The following ABCD3 variants were observed in gnomAD, a reference collection of about 807,000 sequenced individuals.
ABCD3 encodes the protein ATP binding cassette subfamily D member 3.
In ABCD3, 41 loss-of-function variants were observed where a neutral mutation model predicts 105.5. The observed-to-expected ratio is 0.39, with a 90% CI of 0.30 to 0.50. The LOEUF (loss-of-function observed/expected upper bound fraction) is 0.50, where lower values mean the gene tolerates loss of function less well. ABCD3 is among the 20% of genes least tolerant of loss of function. The pLI, the probability that ABCD3 is intolerant of heterozygous loss-of-function variation, is 0.84. For synonymous variants in ABCD3, 258 were observed against 269.0 expected, an observed-to-expected ratio of 0.96 and a Z score of 0.40; for missense variants, 622 against 806.3, an observed-to-expected ratio of 0.77 and a Z score of 2.77.
intron 3 of ABCD3, among the ~76,000 whole-genome samples, chr1:94,466,637 C>CT (rs1648152468): frequency 6.6e-6 from 1 of 152,160 alleles, no homozygotes; most frequent in Admixed American, 6.5e-5. Flanking sequence ...TAATGCTTAT[C>CT]TTTTTTGTGA....
intron 13 of ABCD3, among the ~76,000 whole-genome samples, chr1:94,489,107 A>G (rs1649409955): frequency 6.6e-6 from 1 of 152,070 alleles, no homozygotes; most frequent in Non-Finnish European, 1.5e-5. Flanking sequence ...TCTTCGATGC[A>G]GAATACTTTC....
chr1:94,414,310 C>T (rs1359255277), upstream of ABCD3, among the ~76,000 whole-genome samples: 1 of 152,278 alleles, frequency 6.6e-6, no homozygotes, highest in East Asian at 1.9e-4. Flanking sequence ...AGACACTCAG[C>T]AAGGCAATAT....
intron 21 of ABCD3, among the ~76,000 whole-genome samples, chr1:94,509,486 G>T (rs1284302827): frequency 6.6e-6 from 1 of 152,166 alleles, no homozygotes; most frequent in South Asian, 2.1e-4. Flanking sequence ...TTGGTATCAG[G>T]ATGATGCTGG....
At chr1:94,503,340 C>T (rs1481481608) in intron 20 of ABCD3, among the ~76,000 whole-genome samples, 1 of 152,124 alleles carries the variant, frequency 6.6e-6, no homozygotes, top group African/African-American at 2.4e-5. Context: ...CCTCAGATAA[C>T]CATTCCTCTT....
At chr1:94,403,597 C>T in the ABCD3 span, among the ~76,000 whole-genome samples, 1 of 152,264 alleles carries the variant, frequency 6.6e-6, no homozygotes, top group Non-Finnish European at 1.5e-5. Context: ...CTTTTCTCCA[C>T]TATTATTTAT....
intron 1 of ABCD3, among the ~76,000 whole-genome samples, chr1:94,428,078 T>TG (rs1659536272): frequency 6.6e-6 from 1 of 151,926 alleles, no homozygotes; most frequent in African/African-American, 2.4e-5. Flanking sequence ...TGTTTTGTTT[T>TG]TTTTTTTATT....
chr1:94,497,896 G>C (rs1195791896), intron 16 of ABCD3, among the ~76,000 whole-genome samples: 1 of 152,160 alleles, frequency 6.6e-6, no homozygotes, highest in Non-Finnish European at 1.5e-5. Context: ...TGACCTGGAA[G>C]AATATCTGTG....
chr1:94,474,153 A>G (rs1487939961), intron 5 of ABCD3, among the ~76,000 whole-genome samples: 1 of 149,096 alleles, frequency 6.7e-6, no homozygotes, highest in East Asian at 2.0e-4. Context: ...AATGACCATT[A>G]GATAGCAGTA....
At chr1:94,474,754 T>G (rs1410555235) in intron 5 of ABCD3, among the ~76,000 whole-genome samples, 1 of 151,280 alleles carries the variant, frequency 6.6e-6, no homozygotes, top group Non-Finnish European at 1.5e-5. Context: ...GCAAATATAG[T>G]GTATATAGAA....
chr1:94,476,334 C>A (rs17410643), intron 7 of ABCD3, among the ~76,000 whole-genome samples: 9,814 of 152,252 alleles, frequency 0.064, 442 homozygotes, highest in Middle Eastern at 0.17. Flanking sequence ...TATCTCACCA[C>A]CCTTACAGCT....
chr1:94,438,486 G>A (rs771396619), intron 1 of ABCD3, among the ~76,000 whole-genome samples: 1 of 152,204 alleles, frequency 6.6e-6, no homozygotes, highest in Non-Finnish European at 1.5e-5. Context: ...CTTGGTTGAT[G>A]TGACAAGATT....
chr1:94,457,156 G>C (rs1048918892), intron 1 of ABCD3, among the ~76,000 whole-genome samples: 9 of 152,060 alleles, frequency 5.9e-5, no homozygotes, highest in Admixed American at 2.0e-4. Flanking sequence ...CCCTAATCAG[G>C]TGTATGGTTG....
At chr1:94,457,672 G>A (rs1470914745) in intron 1 of ABCD3, among the ~76,000 whole-genome samples, 7 of 152,064 alleles carry the variant, frequency 4.6e-5, no homozygotes, top group South Asian at 2.1e-4. Flanking sequence ...TGAGCAAGGC[G>A]GAGGTAAAAA....
chr1:94,431,722 G>A (rs1249363691), intron 1 of ABCD3, among the ~76,000 whole-genome samples: 1 of 151,988 alleles, frequency 6.6e-6, no homozygotes, highest in African/African-American at 2.4e-5. Context: ...CACCATGCCT[G>A]GCTAATTTTT....
chr1:94,515,051 A>G (rs756171995), intron 21 of ABCD3, 95 bp from the exon 22 acceptor site: 2 of 967,296 alleles, frequency 2.1e-6, no homozygotes, highest in Non-Finnish European at 3.3e-6. Context: ...AACTTTAGTC[A>G]CTGAAGACTG....
intron 1 of ABCD3, among the ~76,000 whole-genome samples, chr1:94,443,434 TC>T (rs1660208752): frequency 6.6e-6 from 1 of 152,232 alleles, no homozygotes; most frequent in Non-Finnish European, 1.5e-5. Context: ...CATAGACTGT[TC>T]CTTTGTTGTG....
chr1:94,458,959 T>C (rs1434996228), intron 2 of ABCD3, among the ~76,000 whole-genome samples: 28 of 90,478 alleles, frequency 3.1e-4, no homozygotes, highest in Non-Finnish European at 8.4e-5. Context: ...CCCTCCCCGC[T>C]TCCCTCCCCT....
At chr1:94,478,203 G>A in intron 7 of ABCD3, 56 bp from the exon 8 acceptor site, 1 of 1,027,124 alleles carries the variant, frequency 9.7e-7, no homozygotes, top group Non-Finnish European at 1.5e-6. Context: ...TGTTGTATTA[G>A]CTATCATTCT....
chr1:94,484,050 C>T (rs1259468536), intron 10 of ABCD3, among the ~76,000 whole-genome samples: 3 of 152,164 alleles, frequency 2.0e-5, no homozygotes, highest in South Asian at 2.1e-4. Context: ...TGCTCATCAT[C>T]GCTGGCCATC....
Sources: gnomAD v4.1 joint callset for allele counts (sites outside exome capture counted in the v4.1 genomes callset) on GRCh38, gnomAD v4.1.1 for gene constraint, MANE v1.5 for transcripts, NCBI Gene and HGNC (gene_info 2026-07-23, HGNC 2026-07-21) for gene names.